The following DMPK variants were observed in gnomAD, a reference collection of about 807,000 sequenced individuals.
DMPK encodes DM1 protein kinase.
DMPK carries 32 observed loss-of-function variants against 70.3 expected under a neutral mutation model. That is an observed-to-expected ratio of 0.46 (90% CI 0.34 to 0.61). The LOEUF (loss-of-function observed/expected upper bound fraction) is 0.61, where lower values mean the gene tolerates loss of function less well. Among genes scored for constraint, DMPK ranks in the 20% least tolerant of loss-of-function variants. The pLI, the probability that DMPK is intolerant of heterozygous loss-of-function variation, is 0.01. For missense variants in DMPK, 899 were observed against 886.0 expected (o/e 1.01, Z -0.19); for synonymous variants, 469 against 390.9 (o/e 1.20, Z -2.36).
In DMPK at chr19:45,776,236, C is replaced by T. The variant is rs572223902; in HGVS notation, c.1146+1091G>A. On this transcript the variant is annotated intron_variant, in intron 8 of 14. Coordinates refer to ENST00000291270, the MANE Select transcript of DMPK (RefSeq NM_004409.5). ...TCGGCTCACTGCAAACTCTGCCTCC[C>T]GGGTTCACGCCATTCTCCTGCCTCA... 1.1e-3 allele frequency among the ~76,000 whole-genome samples: 108 copies of T among 94,516 alleles called. 23 individuals are homozygous for T. The highest frequency in any genetic ancestry group is 3.7e-3 in the African/African-American group (103 of 27,550). The allele number at this position is 94,516 out of a possible 152,430, so 62.0% of individuals were successfully genotyped here. A position where few individuals can be genotyped will look rare whatever the true frequency, so the allele number is the denominator to read the frequency against.
chr19:45,779,103 G>C lies in DMPK; in HGVS notation c.432+161C>G, dbSNP rs370772195. The C allele has an allele frequency of 1.8e-4, 126 of 701,800 alleles. 3 individuals are homozygous for C. Among genetic ancestry groups the C allele is most frequent in the South Asian group, 1.3e-3 (76 of 60,042 alleles). The allele number at this position is 701,800 out of a possible 1,614,324, so 43.5% of individuals were successfully genotyped here. A position where few individuals can be genotyped will look rare whatever the true frequency, so the allele number is the denominator to read the frequency against. On this transcript the variant is annotated intron_variant, in intron 4 of 14. Transcript: ENST00000291270. ...CACCATCCCCGTCTCAGATAGGGAA[G>C]GCCCCTCATCCACCTGACACACCCT...
chr19:45,781,729 G>T (rs1036882316), intron 1 of DMPK, among the ~76,000 whole-genome samples: 1 of 152,178 alleles, frequency 6.6e-6, no homozygotes, highest in African/African-American at 2.4e-5. Flanking sequence ...GGCTGGCGCC[G>T]AACACCTGCC....
At position 45,775,003 on chromosome 19, in the gene DMPK, G is replaced by A. The variant is rs200491028; in HGVS notation, c.1178C>T (p.Pro393Leu). The A allele has an allele frequency of 1.7e-4, 270 of 1,613,886 alleles. 2 individuals carry two copies. The Middle Eastern group carries it at 2.0e-3, about 12-fold the overall frequency. ...ETLSDIREGA[P>L]LGVHLPFVGY... Reference sequence around the variant, plus strand: ...CACAAAAGGCAGGTGGACCCCTAGCGGCGCACCTTCCCGAATGTCCGACAG... The same window carrying A: ...CACAAAAGGCAGGTGGACCCCTAGCAGCGCACCTTCCCGAATGTCCGACAG... Residue 393 changes from proline (P) to leucine (L), a missense_variant, in exon 9 of 15, where the codon CCG (proline) becomes CTG (leucine). Coordinates refer to ENST00000291270, the MANE Select transcript of DMPK (RefSeq NM_004409.5).
chr19:45,770,715 A>ACCTATGGGCG, intron 14 of DMPK, 75 bp from the exon 15 acceptor site: 1 of 1,481,142 alleles, frequency 6.8e-7, no homozygotes, highest in Non-Finnish European at 9.1e-7. Flanking sequence ...GCCTACGCCC[A>ACCTATGGGCG]TAGGTGGGCC....
At chr19:45,779,207 T>C (rs769267041) in intron 4 of DMPK, 57 bp downstream of exon 4, 4 of 1,558,138 alleles carry the variant, frequency 2.6e-6, no homozygotes, top group Non-Finnish European at 8.9e-7. Context: ...CACCTCCTCG[T>C]CCAGTGACAG....
chr19:45,772,176 C>T, intron 10 of DMPK: 1 of 523,698 alleles, frequency 1.9e-6, no homozygotes, highest in Non-Finnish European at 3.3e-6. Context: ...ACTAACACAA[C>T]CTATGTCCCT....
At chr19:45,778,292 C>T (rs777008895) in intron 5 of DMPK, 72 bp from the exon 6 acceptor site, 58 of 1,463,120 alleles carry the variant, frequency 4.0e-5, no homozygotes, top group African/African-American at 1.4e-4. Context: ...TCCGCCCCTC[C>T]GGGCAGTGCC....
At position 45,777,503 on chromosome 19, in the gene DMPK, G is replaced by A. The variant is rs1339505155; in HGVS notation, c.970C>T (p.Arg324Trp). 1.2e-6 allele frequency: 2 copies of A among 1,613,550 alleles called. No individual in the cohort carries two copies. The highest frequency in any genetic ancestry group is 1.7e-6 in the Non-Finnish European group (2 of 1,180,032). Residue 324 changes from arginine to tryptophan, a missense_variant, in exon 8 of 15, where the codon CGG (arginine) becomes TGG (tryptophan). Physicochemically the swap from Arg to Trp is moderately radical, Grantham distance 101. Around this residue, in one of 3 missense-constraint regions of DMPK, gnomAD observed 555 missense variants for 483.8 expected, o/e 1.15. Transcript: ENST00000291270. The surrounding 1 kb of genome is among the most constrained non-coding windows in gnomAD (Gnocchi z 6.7). ...IQRLLCPPET[R>W]LGRGGAGDFR... ...TCGCCTGCTCCACCCCGGCCCAGCC[G>A]TGTCTCCGGGGGACACAGCAACCGC...
At chr19:45,774,240 C>A (rs1386429598) in intron 9 of DMPK, among the ~76,000 whole-genome samples, 1 of 151,386 alleles carries the variant, frequency 6.6e-6, no homozygotes, top group African/African-American at 2.4e-5. Context: ...GCGTGAGCCA[C>A]CACACCCGGC....
chr19:45,770,870 G>A (rs1394538437), intron 14 of DMPK, 101 bp downstream of exon 14: 1 of 1,055,570 alleles, frequency 9.5e-7, no homozygotes, highest in South Asian at 1.7e-5. Context: ...CCGCCCTCCT[G>A]CCGTGGGCCC....
chr19:45,770,182 A>T lies in DMPK; in HGVS notation c.*306T>A. The T allele has an allele frequency of 1.5e-6, 1 of 689,346 alleles. No individual in the cohort carries two copies. The highest frequency in any genetic ancestry group is 2.4e-6 in the Non-Finnish European group (1 of 423,798). 42.7% of individuals were successfully genotyped at this position (689,346 alleles called of 1,614,324 possible). A position where few individuals can be genotyped will look rare whatever the true frequency, so the allele number is the denominator to read the frequency against. ...GTCAGGGCCTCAGCCTGGCCGAAAG[A>T]AAGAAATGGTCTGTGATCCCCCCAG... On this transcript the variant is annotated 3_prime_UTR_variant, in exon 15 of 15. Coordinates refer to ENST00000291270, the MANE Select transcript of DMPK (RefSeq NM_004409.5).
intron 13 of DMPK, 65 bp downstream of exon 13, chr19:45,771,285 G>A (rs1453914584): frequency 5.8e-6 from 9 of 1,541,506 alleles, no homozygotes; most frequent in South Asian, 1.2e-5. Flanking sequence ...GGGAGACCAG[G>A]AGCCAGGGAG....
At chr19:45,770,735 C>T (rs897469162) in intron 14 of DMPK, 95 bp from the exon 15 acceptor site, 2 of 1,378,314 alleles carry the variant, frequency 1.5e-6, no homozygotes, top group African/African-American at 2.9e-5. Context: ...CCGCACTCTT[C>T]CCTGCGCCCC....
chr19:45,779,638 C>T, intron 2 of DMPK, 116 bp from the exon 3 acceptor site: 4 of 1,559,320 alleles, frequency 2.6e-6, no homozygotes, highest in Non-Finnish European at 3.5e-6. Flanking sequence ...TGCCACACCA[C>T]GCCCATTGGT....
chr19:45,780,456 C>A, intron 1 of DMPK: 2 of 1,251,860 alleles, frequency 1.6e-6, no homozygotes, highest in East Asian at 5.1e-5. Context: ...CCGGTCCAGC[C>A]CATCTCTCAG....
Position 45,782,392 on chromosome 19 carries a change from G to C in DMPK, c.-40C>G. The C allele has an allele frequency of 6.6e-7, 1 of 1,508,868 alleles. No homozygotes were observed. 93.5% of individuals were successfully genotyped at this position (1,508,868 alleles called of 1,614,324 possible). A position where few individuals can be genotyped will look rare whatever the true frequency, so the allele number is the denominator to read the frequency against. ...ACCATGGCCCCTCCCCGGGCCGGGG[G>C]CTCGGGGTCCTCCTGTCACAGGGCC... On this transcript the variant is annotated 5_prime_UTR_variant, in exon 1 of 15. Coordinates refer to ENST00000291270, the MANE Select transcript of DMPK (RefSeq NM_004409.5).
chr19:45,779,835 TC>T lies in DMPK; in HGVS notation c.194del (p.Arg65HisfsTer10). The stretch of plus-strand genomic sequence containing the variant: ...GAATCTCGAAGTCGTCCCTCTGCAG[TC>T]GGACCTCCTTAAGCCTCACCACGAT... ...EPIVVRLKEV[R>X]LQRDDFEILK... On this transcript the variant is annotated frameshift_variant, in exon 2 of 15. Transcript: ENST00000291270. LOFTEE classifies it high-confidence loss of function. 6.3e-7 allele frequency: 1 copy of T among 1,599,564 alleles called. No individual in the cohort carries two copies. Among genetic ancestry groups the T allele is most frequent in the Non-Finnish European group, 8.5e-7 (1 of 1,171,556 alleles).
intron 10 of DMPK, chr19:45,772,366 T>G (rs753086131): frequency 7.7e-6 from 3 of 390,296 alleles, no homozygotes; most frequent in African/African-American, 4.3e-5. Flanking sequence ...GCCTGACCAC[T>G]TGGCACCTTT....
chr19:45,780,009 T>C, intron 1 of DMPK, 140 bp from the exon 2 acceptor site: 2 of 1,554,564 alleles, frequency 1.3e-6, no homozygotes, highest in South Asian at 2.4e-5. Flanking sequence ...CCCAGGGGCT[T>C]CCCCACATAA....
Sources: allele counts gnomAD v4.1 joint callset (sites outside exome capture counted in the v4.1 genomes callset), GRCh38; gene constraint gnomAD v4.1.1; regional missense constraint gnomAD v4.1.1; non-coding constraint Gnocchi (gnomAD v3.1); transcripts MANE v1.5; gene names NCBI Gene and HGNC (gene_info 2026-07-23, HGNC 2026-07-21).